Variants in ARHGAP8 observed in about 807,000 individuals in gnomAD.
ARHGAP8 encodes the protein Rho GTPase activating protein 8, also known as rho GTPase-activating protein 8.
Under a neutral mutation model 46.1 loss-of-function variants are expected in ARHGAP8, and 62 were observed. The ratio of observed to expected loss-of-function variants is 1.34; its 90% CI spans 1.10 to 1.66. The LOEUF (loss-of-function observed/expected upper bound fraction) is 1.66, where lower values mean the gene tolerates loss of function less well. Among genes scored for constraint, ARHGAP8 ranks in the 40% most tolerant of loss-of-function variants. The probability of loss-of-function intolerance (pLI) is 0.00; values close to 1 mark genes in which losing one functional copy is unlikely to be tolerated. For missense variants in ARHGAP8, 923 were observed against 568.4 expected, an observed-to-expected ratio of 1.62 and a Z score of -6.34; for synonymous variants, 375 against 243.1, an observed-to-expected ratio of 1.54 and a Z score of -5.05.
intron 10 of ARHGAP8, 70 bp from the exon 11 acceptor site, chr22:44,859,661 C>G: frequency 6.4e-7 from 1 of 1,556,620 alleles, no homozygotes; most frequent in Non-Finnish European, 8.8e-7. Flanking sequence ...CCCTGTTCTC[C>G]TCCCGGGCCG....
chr22:44,786,647 G>A, intron 2 of ARHGAP8, 41 bp downstream of exon 2: 1 of 1,589,052 alleles, frequency 6.3e-7, no homozygotes, highest in Non-Finnish European at 8.6e-7. Flanking sequence ...CATGGGCAGA[G>A]CAGCCTTCCT....
chr22:44,858,355 G>A lies in ARHGAP8; in HGVS notation c.878-1376G>A, dbSNP rs1286268037. On this transcript the variant is annotated intron_variant, in intron 10 of 11. Transcript: ENST00000356099. ...CGCAGCGGGAACTTGGTGAATACTTGTTGGTTGGTGGTGGTTTTTTTTTTT... is the reference window on the plus strand; with the variant it reads ...CGCAGCGGGAACTTGGTGAATACTTATTGGTTGGTGGTGGTTTTTTTTTTT... 2.1e-5 allele frequency among the ~76,000 whole-genome samples: 3 copies of A among 142,320 alleles called. No homozygotes were observed. In the Admixed American group the frequency reaches 2.2e-4, roughly 11 times the overall value. The allele number at this position is 142,320 out of a possible 152,430, so 93.4% of individuals were successfully genotyped here.
chr22:44,860,302 G>C (rs906657162), intron 11 of ARHGAP8, among the ~76,000 whole-genome samples: 15 of 152,132 alleles, frequency 9.9e-5, no homozygotes, highest in Non-Finnish European at 2.1e-4. Flanking sequence ...CACTCTTCTA[G>C]AGGCTAGCAG....
At chr22:44,821,370 A>G (rs136659) in intron 5 of ARHGAP8, among the ~76,000 whole-genome samples, 16,198 of 151,274 alleles carry the variant, frequency 0.11, 1,078 homozygotes, top group South Asian at 0.2. Context: ...CGGAGCTTGC[A>G]GTGAGCCGAG....
rs746304832 is a variant in ARHGAP8, at chr22:44,848,070, C to G, written c.748+20C>G. On this transcript the variant is annotated intron_variant, in intron 9 of 11. Coordinates refer to ENST00000356099, the MANE Select transcript of ARHGAP8 (RefSeq NM_181335.3). ...ACCAAGGTGAGGGTGTCCCGCAGTC[C>G]TGAGCCCCGAGCTGCCTGGTCAGCG... 13 of 1,603,590 alleles carry G rather than the reference C, an allele frequency of 8.1e-6. No homozygotes were observed. Among genetic ancestry groups the G allele is most frequent in the Non-Finnish European group, 5.9e-6 (7 of 1,179,776 alleles).
At chr22:44,860,461 CTTTCCCTCCT>C (rs1404739959) in intron 11 of ARHGAP8, among the ~76,000 whole-genome samples, 1 of 152,036 alleles carries the variant, frequency 6.6e-6, no homozygotes, top group Non-Finnish European at 1.5e-5. Flanking sequence ...CTCCCTCCAC[CTTTCCCTCCT>C]AAGTGTGGAC....
intron 7 of ARHGAP8, among the ~76,000 whole-genome samples, chr22:44,840,372 G>A (rs1424615447): frequency 6.6e-6 from 1 of 152,000 alleles, no homozygotes; most frequent in African/African-American, 2.4e-5. Flanking sequence ...ATGCTCCTTG[G>A]CTCCCAGCCC....
intron 1 of ARHGAP8, among the ~76,000 whole-genome samples, chr22:44,760,931 GTTGAGGCA>G (rs1320037548): frequency 1.3e-5 from 2 of 152,324 alleles, no homozygotes; most frequent in East Asian, 3.9e-4. Flanking sequence ...TCGGGAGGGA[GTTGAGGCA>G]TGTGCGGACT....
intron 7 of ARHGAP8, among the ~76,000 whole-genome samples, chr22:44,841,485 C>G (rs1349144579): frequency 1.3e-5 from 2 of 152,162 alleles, no homozygotes; most frequent in African/African-American, 4.8e-5. Context: ...CTCCACGTGG[C>G]CAAATCCAAC....
At chr22:44,853,632 A>T (rs1158535515) in intron 10 of ARHGAP8, among the ~76,000 whole-genome samples, 1 of 152,192 alleles carries the variant, frequency 6.6e-6, no homozygotes, top group Non-Finnish European at 1.5e-5. Flanking sequence ...ATGGGAATTG[A>T]CCTATGTCGG....
At chr22:44,851,946 T>G (rs1044769555) in intron 10 of ARHGAP8, among the ~76,000 whole-genome samples, 5 of 151,864 alleles carry the variant, frequency 3.3e-5, no homozygotes, top group Admixed American at 2.0e-4. Flanking sequence ...AACTCAGCAC[T>G]TCGGGAAGCC....
At chr22:44,822,072 T>A (rs985835960) in intron 5 of ARHGAP8, among the ~76,000 whole-genome samples, 1 of 152,220 alleles carries the variant, frequency 6.6e-6, no homozygotes, top group African/African-American at 2.4e-5. Context: ...TCTTGGCACT[T>A]CCGCGCTATC....
Position 44,859,885 on chromosome 22 carries a change from C to T in ARHGAP8, c.981+51C>T, listed in dbSNP as rs111386175. The stretch of plus-strand genomic sequence containing the variant: ...GGTGAAGCCCAGTGGCCTTCCCTCC[C>T]ATGCTGGGCCCGCATGGACCAGTCC... On this transcript the variant is annotated intron_variant, in intron 11 of 11. Transcript: ENST00000356099. 1.7e-5 allele frequency: 27 copies of T among 1,594,530 alleles called. No homozygotes were observed. In the African/African-American group the frequency reaches 1.7e-4, roughly 10 times the overall value.
At chr22:44,808,472 T>C in intron 4 of ARHGAP8, 34 bp downstream of exon 4, 1 of 1,610,040 alleles carries the variant, frequency 6.2e-7, no homozygotes, top group Non-Finnish European at 8.5e-7. Flanking sequence ...GACGTGGGTG[T>C]GGGCTGCTTG....
At chr22:44,800,289 A>G (rs917467359) in intron 2 of ARHGAP8, among the ~76,000 whole-genome samples, 2 of 151,816 alleles carry the variant, frequency 1.3e-5, no homozygotes, top group African/African-American at 4.8e-5. Context: ...TATTTTTAGT[A>G]GAGATGGGGT....
intron 7 of ARHGAP8, among the ~76,000 whole-genome samples, chr22:44,840,813 G>A (rs753861025): frequency 7.2e-5 from 11 of 152,226 alleles, no homozygotes; most frequent in Non-Finnish European, 1.3e-4. Context: ...TCCCGGCCGC[G>A]TCCTCGCGTG....
chr22:44,801,086 T>C (rs1248793370), intron 2 of ARHGAP8, among the ~76,000 whole-genome samples: 3 of 45,234 alleles, frequency 6.6e-5, no homozygotes, highest in Admixed American at 2.4e-4. Context: ...GAGGGGCACC[T>C]CTCCCCGCAG....
At chr22:44,825,882 G>T (rs144604149) in intron 7 of ARHGAP8, among the ~76,000 whole-genome samples, 6 of 118,242 alleles carry the variant, frequency 5.1e-5, no homozygotes, top group African/African-American at 2.0e-4. Flanking sequence ...TGGGGGGCGC[G>T]TGCTTGCTGC....
At position 44,787,943 on chromosome 22, in the gene ARHGAP8, C is replaced by CTTTTTTT. The variant is rs1312732228; in HGVS notation, c.79+1337_79+1338insTTTTTTT. 6.5e-4 allele frequency among the ~76,000 whole-genome samples: 83 copies of CTTTTTTT among 126,840 alleles called. 3 individuals are homozygous for CTTTTTTT. Among genetic ancestry groups the CTTTTTTT allele is most frequent in the Middle Eastern group, 4.1e-3 (1 of 246 alleles). The allele number at this position is 126,840 out of a possible 152,430, so 83.2% of individuals were successfully genotyped here. ...CCTTTTTTTTTTTTTTTTTTTTTCC[C>CTTTTTTT]CCCAAATGTCCTTTTAAGAAAACTT... is the stretch of plus-strand genomic sequence containing the variant. On this transcript the variant is annotated intron_variant, in intron 2 of 11. Coordinates refer to ENST00000356099, the MANE Select transcript of ARHGAP8 (RefSeq NM_181335.3).
Sources: allele counts gnomAD v4.1 joint callset (sites outside exome capture counted in the v4.1 genomes callset), GRCh38; gene constraint gnomAD v4.1.1; transcripts MANE v1.5; gene names NCBI Gene and HGNC (gene_info 2026-07-23, HGNC 2026-07-21).